MYO5A: variants seen among roughly 807,000 people sequenced by gnomAD.
The protein encoded by MYO5A is unconventional myosin-Va.
Under a neutral mutation model 249.7 loss-of-function variants are expected in MYO5A, and 98 were observed. That is an observed-to-expected ratio of 0.39 (90% CI 0.33 to 0.46). MYO5A has a LOEUF of 0.46. Among genes scored for constraint, MYO5A ranks in the 20% least tolerant of loss-of-function variants. The pLI is 0.98. For missense variants in MYO5A, 1,696 were observed against 2,308.8 expected, an observed-to-expected ratio of 0.73 and a Z score of 5.44; for synonymous variants, 778 against 810.6, an observed-to-expected ratio of 0.96 and a Z score of 0.68.
chr15:52,397,376 T>C lies in MYO5A; in HGVS notation c.1144A>G (p.Thr382Ala), dbSNP rs375819705. ...GGCTTGATGTATGTCTCTGTGGCAG[T>C]AGCCAGTTTCCGATGGCAGAGCCAG... is the stretch of plus-strand genomic sequence containing the variant. The part of the protein sequence containing the change: ...CHWLCHRKLA[T>A]ATETYIKPIS... The change falls in exon 10 of 42, where the codon ACT becomes GCT. Residue 382 changes from threonine to alanine, a missense_variant. Coordinates refer to ENST00000399233, the MANE Select transcript of MYO5A (RefSeq NM_001382347.1). The C allele has an allele frequency of 6.8e-6, 11 of 1,613,966 alleles. No individual in the cohort carries two copies. The highest frequency in any genetic ancestry group is 3.3e-5 in the Admixed American group (2 of 59,998).
chr15:52,383,729 A>T (rs2041858184), intron 15 of MYO5A, among the ~76,000 whole-genome samples: 1 of 152,186 alleles, frequency 6.6e-6, no homozygotes, highest in African/African-American at 2.4e-5. Context: ...CAAGCTGAGG[A>T]GCGCTCAGCC....
chr15:52,340,913 A>G (rs753255987), intron 31 of MYO5A, among the ~76,000 whole-genome samples: 6 of 151,088 alleles, frequency 4.0e-5, no homozygotes, highest in Non-Finnish European at 8.8e-5. Flanking sequence ...GCACCATTGC[A>G]CTCCAGCCTG....
At chr15:52,413,039 C>T (rs567645041) in intron 5 of MYO5A, among the ~76,000 whole-genome samples, 5 of 149,452 alleles carry the variant, frequency 3.3e-5, no homozygotes, top group South Asian at 2.1e-4. Context: ...CCCAGCTACT[C>T]GGGAGGCTGA....
At chr15:52,457,217 A>G (rs568792818) in intron 1 of MYO5A, among the ~76,000 whole-genome samples, 5 of 152,248 alleles carry the variant, frequency 3.3e-5, no homozygotes, top group African/African-American at 1.2e-4. Flanking sequence ...TGAGGCAGGT[A>G]GACTGCTTGA....
At chr15:52,486,736 C>T (rs2141517784) in intron 1 of MYO5A, among the ~76,000 whole-genome samples, 1 of 152,274 alleles carries the variant, frequency 6.6e-6, no homozygotes, top group African/African-American at 2.4e-5. Flanking sequence ...ACACTTTCTC[C>T]TTTGTTGCTT....
At chr15:52,417,890 A>T (rs1345682472) in intron 4 of MYO5A, among the ~76,000 whole-genome samples, 1 of 152,208 alleles carries the variant, frequency 6.6e-6, no homozygotes, top group Non-Finnish European at 1.5e-5. Context: ...GTATTCTGTT[A>T]TAGCAGCAGA....
chr15:52,381,936 C>G (rs1267138081), intron 16 of MYO5A, among the ~76,000 whole-genome samples: 3 of 152,184 alleles, frequency 2.0e-5, no homozygotes, highest in Non-Finnish European at 4.4e-5. Flanking sequence ...AAGTCTCACT[C>G]TTGTCCCGCA....
intron 11 of MYO5A, 86 bp downstream of exon 11, chr15:52,396,230 A>G (rs2042479377): frequency 1.1e-5 from 9 of 835,064 alleles, no homozygotes; most frequent in Non-Finnish European, 1.8e-5. Flanking sequence ...TCACAACTTC[A>G]TTCCAGGGAT....
At chr15:52,429,016 C>T (rs1781198868) in intron 2 of MYO5A, among the ~76,000 whole-genome samples, 1 of 152,104 alleles carries the variant, frequency 6.6e-6, no homozygotes. Context: ...TCACCCAAAT[C>T]CTTCATTTGT....
chr15:52,439,451 C>A (rs1426301219), intron 1 of MYO5A, among the ~76,000 whole-genome samples: 1 of 152,180 alleles, frequency 6.6e-6, no homozygotes, highest in Non-Finnish European at 1.5e-5. Context: ...ATGAATCTAC[C>A]TACCTTCCAT....
chr15:52,448,522 G>C (rs2075943750), intron 1 of MYO5A, among the ~76,000 whole-genome samples: 1 of 152,092 alleles, frequency 6.6e-6, no homozygotes, highest in Non-Finnish European at 1.5e-5. Flanking sequence ...TTAAGACTTT[G>C]GACTATTGGG....
intron 18 of MYO5A, 79 bp from the exon 19 acceptor site, chr15:52,376,637 A>G: frequency 7.3e-7 from 1 of 1,362,074 alleles, no homozygotes; most frequent in Non-Finnish European, 1.0e-6. Flanking sequence ...CTAAAAGCAG[A>G]ATCAGTAAAG....
At chr15:52,438,860 G>A (rs916454245) in intron 1 of MYO5A, among the ~76,000 whole-genome samples, 1 of 152,142 alleles carries the variant, frequency 6.6e-6, no homozygotes, top group African/African-American at 2.4e-5. Flanking sequence ...TTCGCTCGCC[G>A]TCCACCACTG....
intron 20 of MYO5A, among the ~76,000 whole-genome samples, chr15:52,374,684 C>T (rs1290757222): frequency 6.6e-6 from 1 of 152,194 alleles, no homozygotes; most frequent in Non-Finnish European, 1.5e-5. Context: ...CTGGCAGCCA[C>T]CAGAAGCTGC....
In MYO5A at chr15:52,351,353, C is replaced by T. The variant is rs1260856683; in HGVS notation, c.3750G>A (p.Glu1250=). The T allele has an allele frequency of 1.2e-6, 2 of 1,614,230 alleles. No individual in the cohort carries two copies. The highest frequency in any genetic ancestry group is 1.7e-6 in the Non-Finnish European group (2 of 1,180,036). Residue 1250 remains glutamate, a synonymous_variant, in exon 28 of 42, where the codon GAG becomes GAA. Transcript: ENST00000399233. ...PGAPAYRVLM[E]QLTSVSEELD... is the part of the protein sequence containing the mutation. ...GCTCCTCGCTCACAGAGGTCAGCTGCTCCATGAGGACACGGTAGGCAGGTG... is the reference window on the plus strand; with the variant it reads ...GCTCCTCGCTCACAGAGGTCAGCTGTTCCATGAGGACACGGTAGGCAGGTG...
Position 52,425,844 on chromosome 15 carries a change from G to T in MYO5A, c.441C>A (p.Tyr147Ter). ...CTTCTACCAACCTGGCCATTTGCTT[G>T]TAAGCTTCTTCAGCTACTGCAAAGA... ...PHIFAVAEEA[Y>*]KQMARDERNQ... is the part of the protein sequence containing the mutation. The change falls in exon 4 of 42, where the codon TAC becomes TAA. Residue 147 changes from tyrosine (Y) to a stop codon, truncating the protein, a stop_gained. Coordinates refer to ENST00000399233, the MANE Select transcript of MYO5A (RefSeq NM_001382347.1). LOFTEE classifies it high-confidence loss of function. 6.2e-7 allele frequency: 1 copy of T among 1,614,044 alleles called. No homozygotes were observed. Among genetic ancestry groups the T allele is most frequent in the Non-Finnish European group, 8.5e-7 (1 of 1,179,994 alleles).
At chr15:52,372,489 T>C in intron 20 of MYO5A, 126 bp from the exon 21 acceptor site, 2 of 1,275,848 alleles carry the variant, frequency 1.6e-6, no homozygotes, top group South Asian at 1.3e-5. Context: ...ATTGACAATG[T>C]ACTATGTAGA....
At chr15:52,474,984 C>G (rs2076560415) in intron 1 of MYO5A, among the ~76,000 whole-genome samples, 1 of 152,208 alleles carries the variant, frequency 6.6e-6, no homozygotes, top group Admixed American at 6.5e-5. Flanking sequence ...CTTTGTACCT[C>G]TGGTAGAACT....
intron 1 of MYO5A, among the ~76,000 whole-genome samples, chr15:52,442,471 G>T (rs1433671345): frequency 6.6e-6 from 1 of 152,202 alleles, no homozygotes; most frequent in African/African-American, 2.4e-5. Context: ...AAATGCTGCC[G>T]AGGAGCTGAA....
Sources: gnomAD v4.1 joint callset for allele counts (sites outside exome capture counted in the v4.1 genomes callset) on GRCh38, gnomAD v4.1.1 for gene constraint, MANE v1.5 for transcripts, NCBI Gene and HGNC (gene_info 2026-07-23, HGNC 2026-07-21) for gene names.